Variants in AGTPBP1 observed in about 807,000 individuals in gnomAD.
AGTPBP1 encodes the protein cytosolic carboxypeptidase 1.
Under a neutral mutation model 143.9 loss-of-function variants are expected in AGTPBP1, and 70 were observed. The observed-to-expected ratio is 0.49, with a 90% CI of 0.40 to 0.59. The LOEUF (loss-of-function observed/expected upper bound fraction) is 0.59. Among genes scored for constraint, AGTPBP1 ranks in the 20% least tolerant of loss-of-function variants. The pLI is 0.00. For synonymous variants in AGTPBP1, 463 were observed against 500.2 expected (o/e 0.93, Z 0.99); for missense variants, 1,229 against 1,464.5 (o/e 0.84, Z 2.62).
At chr9:85,639,515 T>C (rs1001264682) in intron 13 of AGTPBP1, among the ~76,000 whole-genome samples, 4 of 152,122 alleles carry the variant, frequency 2.6e-5, no homozygotes, top group Admixed American at 2.0e-4. Flanking sequence ...TTAAACATTA[T>C]TTAGAGATAT....
At chr9:85,744,030 A>T (rs1824555528), upstream of AGTPBP1, among the ~76,000 whole-genome samples, 2 of 151,210 alleles carry the variant, frequency 1.3e-5, no homozygotes, top group Admixed American at 1.3e-4. Context: ...GGCTTAATGA[A>T]TCGTACTACC....
intron 15 of AGTPBP1, 146 bp downstream of exon 15, chr9:85,621,056 A>G (rs1188175020): frequency 1.9e-5 from 7 of 375,984 alleles, no homozygotes; most frequent in Non-Finnish European, 3.1e-5. Flanking sequence ...TAATTAAGTC[A>G]CAACTAGTTA....
rs539664181 is a variant in AGTPBP1 at position 85,740,003 on chromosome 9, C to CA, written c.-34+1771dup. On this transcript the variant is annotated intron_variant, in intron 1 of 25. Coordinates refer to ENST00000357081, the MANE Select transcript of AGTPBP1 (RefSeq NM_001330701.2). ...TGGGCGAGAGAGTGAGACTCCGTCT[C>CA]AAAAAAAAAAAAAAAGTAAAATACA... Among the ~76,000 whole-genome samples the CA allele has an allele frequency of 2.2e-3, 249 of 113,490 alleles. 1 individual carries two copies. The highest frequency in any genetic ancestry group is 7.5e-3 in the South Asian group (27 of 3,602). The allele number at this position is 113,490 out of a possible 152,430, so 74.5% of individuals were successfully genotyped here.
At chr9:85,594,153 C>T (rs1243246776) in intron 18 of AGTPBP1, among the ~76,000 whole-genome samples, 1 of 152,164 alleles carries the variant, frequency 6.6e-6, no homozygotes, top group Non-Finnish European at 1.5e-5. Flanking sequence ...TATACTACCA[C>T]ATTACAGCTA....
At chr9:85,720,747 T>C (rs1347776370) in intron 1 of AGTPBP1, among the ~76,000 whole-genome samples, 3 of 152,162 alleles carry the variant, frequency 2.0e-5, no homozygotes, top group African/African-American at 7.2e-5. Flanking sequence ...TCCTTTTAAT[T>C]GTGATGTTAG....
chr9:85,800,991 C>T, the AGTPBP1 span, among the ~76,000 whole-genome samples: 1 of 151,968 alleles, frequency 6.6e-6, no homozygotes, highest in Admixed American at 6.6e-5. Flanking sequence ...TAAGCTATAA[C>T]TGAAGTTTTA....
At chr9:85,584,915 C>T (rs1828511723) in intron 23 of AGTPBP1, among the ~76,000 whole-genome samples, 1 of 152,164 alleles carries the variant, frequency 6.6e-6, no homozygotes, top group Non-Finnish European at 1.5e-5. Flanking sequence ...TATAATAATT[C>T]TCTCCAACTT....
intron 15 of AGTPBP1, among the ~76,000 whole-genome samples, chr9:85,619,839 T>G (rs1830810516): frequency 2.0e-5 from 3 of 152,170 alleles, no homozygotes; most frequent in Admixed American, 2.0e-4. Context: ...GAATGCAAAC[T>G]CTTGCTCTTC....
At chr9:85,704,357 G>A (rs192845778) in intron 2 of AGTPBP1, among the ~76,000 whole-genome samples, 5 of 152,220 alleles carry the variant, frequency 3.3e-5, no homozygotes, top group African/African-American at 1.2e-4. Context: ...GCGCAGGAGT[G>A]TAAGGAAACT....
chr9:85,625,347 T>C (rs575334768), intron 14 of AGTPBP1, among the ~76,000 whole-genome samples: 1 of 152,330 alleles, frequency 6.6e-6, no homozygotes, highest in East Asian at 1.9e-4. Context: ...ATCAATAGAA[T>C]GTTATGCTCA....
intron 14 of AGTPBP1, among the ~76,000 whole-genome samples, chr9:85,625,578 C>T (rs1347904990): frequency 1.3e-5 from 2 of 151,818 alleles, no homozygotes; most frequent in South Asian, 2.1e-4. Context: ...TATAATAAAA[C>T]GTTTTTAAAA....
At chr9:85,779,525 G>T in the AGTPBP1 span, among the ~76,000 whole-genome samples, 3 of 152,116 alleles carry the variant, frequency 2.0e-5, no homozygotes, top group African/African-American at 7.2e-5. Context: ...CAGCTGATGA[G>T]ATGGTTCTCA....
intron 8 of AGTPBP1, among the ~76,000 whole-genome samples, chr9:85,669,005 G>GTGTA (rs1564124897): frequency 2.8e-5 from 2 of 72,598 alleles, no homozygotes; most frequent in East Asian, 5.5e-4. Context: ...GTGTGTGTGT[G>GTGTA]TGTATACATA....
chr9:85,776,696 G>A, the AGTPBP1 span, among the ~76,000 whole-genome samples: 1 of 152,178 alleles, frequency 6.6e-6, no homozygotes, highest in South Asian at 2.1e-4. Context: ...AGAGCCCAAA[G>A]TGTCCAGGTG....
chr9:85,589,320 A>G (rs76891953), intron 20 of AGTPBP1, among the ~76,000 whole-genome samples: 1 of 152,294 alleles, frequency 6.6e-6, no homozygotes, highest in African/African-American at 2.4e-5. Flanking sequence ...GAGACCTCAG[A>G]GAACATCTCA....
chr9:85,647,536 A>G (rs1359296547), intron 11 of AGTPBP1, among the ~76,000 whole-genome samples: 2 of 152,244 alleles, frequency 1.3e-5, no homozygotes, highest in Non-Finnish European at 2.9e-5. Flanking sequence ...AGCAGAAAGG[A>G]GTAAACACGT....
chr9:85,797,791 C>G, the AGTPBP1 span, among the ~76,000 whole-genome samples: 158 of 152,290 alleles, frequency 1.0e-3, no homozygotes, highest in African/African-American at 3.6e-3. Flanking sequence ...TCAAAGTCAT[C>G]CTGGGCCACA....
At chr9:85,664,882 CTT>C (rs950297500) in intron 8 of AGTPBP1, among the ~76,000 whole-genome samples, 13 of 151,982 alleles carry the variant, frequency 8.6e-5, no homozygotes, top group Non-Finnish European at 1.0e-4. Flanking sequence ...AAGAAGCCTT[CTT>C]TGTCAACTTT....
intron 17 of AGTPBP1, among the ~76,000 whole-genome samples, chr9:85,615,673 A>C (rs1231533706): frequency 1.3e-5 from 2 of 152,048 alleles, no homozygotes; most frequent in Admixed American, 1.3e-4. Flanking sequence ...ACAAAATGTT[A>C]AACAATGGTT....
Sources: allele counts gnomAD v4.1 joint callset (sites outside exome capture counted in the v4.1 genomes callset), GRCh38; gene constraint gnomAD v4.1.1; transcripts MANE v1.5; gene names NCBI Gene and HGNC (gene_info 2026-07-23, HGNC 2026-07-21).